Variants in DZIP3 observed in about 807,000 individuals in gnomAD.
The protein encoded by DZIP3 is E3 ubiquitin-protein ligase DZIP3.
A neutral mutation model predicts 162.0 loss-of-function variants in DZIP3; 118 were observed. The observed-to-expected ratio is 0.73, with a 90% CI of 0.63 to 0.85. DZIP3 has a LOEUF of 0.85. DZIP3 is among the 40% of genes least tolerant of loss of function. DZIP3 has a pLI of 0.00. For synonymous variants in DZIP3, 438 were observed against 458.6 expected, an observed-to-expected ratio of 0.96 and a Z score of 0.57; for missense variants, 1,331 against 1,407.0, an observed-to-expected ratio of 0.95 and a Z score of 0.86.
At chr3:108,645,713 G>C (rs1942593813) in intron 14 of DZIP3, among the ~76,000 whole-genome samples, 1 of 152,146 alleles carries the variant, frequency 6.6e-6, no homozygotes, top group Admixed American at 6.6e-5. Context: ...AACTGGTCCA[G>C]ATTTTCTTCA....
rs1202348397 is a variant in DZIP3, at chr3:108,632,933, T to C, written c.697-20T>C. 1.2e-5 allele frequency: 16 copies of C among 1,316,416 alleles called. No homozygotes were observed. The highest frequency in any genetic ancestry group is 1.5e-5 in the Non-Finnish European group (15 of 981,484). The allele number at this position is 1,316,416 out of a possible 1,614,324, so 81.5% of individuals were successfully genotyped here. On this transcript the variant is annotated intron_variant, in intron 8 of 32. Coordinates refer to ENST00000361582, the MANE Select transcript of DZIP3 (RefSeq NM_014648.4). The stretch of plus-strand genomic sequence containing the variant: ...TATTATTAGTAATTCATGAGAATTC[T>C]TTCTGTTTTTAAAATCTAGGATCTT...
At chr3:108,635,794 G>A (rs1200469843) in intron 10 of DZIP3, among the ~76,000 whole-genome samples, 2 of 151,444 alleles carry the variant, frequency 1.3e-5, no homozygotes, top group Non-Finnish European at 3.0e-5. Context: ...GTGAGCTGAT[G>A]ACTGTAAGTT....
intron 19 of DZIP3, 172 bp downstream of exon 19, chr3:108,654,482 A>T (rs1943021192): frequency 1.5e-6 from 1 of 670,756 alleles, no homozygotes; most frequent in African/African-American, 1.8e-5. Flanking sequence ...AGAATAAGGA[A>T]AAAAAAGAAC....
At chr3:108,600,664 T>A (rs1939955689) in intron 1 of DZIP3, among the ~76,000 whole-genome samples, 1 of 152,174 alleles carries the variant, frequency 6.6e-6, no homozygotes, top group Admixed American at 6.5e-5. Flanking sequence ...CCTAAACAGT[T>A]AAATGATGAT....
chr3:108,593,695 T>A (rs112314102), intron 1 of DZIP3, among the ~76,000 whole-genome samples: 6,158 of 140,714 alleles, frequency 0.044, 472 homozygotes, highest in African/African-American at 0.15. Context: ...TTTTTTTTTT[T>A]AATATGGTTT....
At chr3:108,614,608 ATC>A (rs947835396) in intron 4 of DZIP3, among the ~76,000 whole-genome samples, 3 of 152,026 alleles carry the variant, frequency 2.0e-5, no homozygotes, top group Non-Finnish European at 4.4e-5. Flanking sequence ...CCATGTCTAT[ATC>A]TCTATGCCTC....
chr3:108,648,123 T>G lies in DZIP3; in HGVS notation c.1962+11T>G. On this transcript the variant is annotated intron_variant, in intron 16 of 32. Coordinates refer to ENST00000361582, the MANE Select transcript of DZIP3 (RefSeq NM_014648.4). ...AAAGATCTCCAGGAAGTATAAGCTC[T>G]CATTAATATTTGAGTTAGAAGAACT... 1.3e-6 allele frequency: 2 copies of G among 1,583,346 alleles called. No homozygotes were observed. The highest frequency in any genetic ancestry group is 1.7e-6 in the Non-Finnish European group (2 of 1,169,796).
intron 5 of DZIP3, among the ~76,000 whole-genome samples, chr3:108,622,876 C>CTT (rs772538913): frequency 1.1e-5 from 1 of 87,346 alleles, no homozygotes; most frequent in South Asian, 4.2e-4. Context: ...CTCTCTCTCT[C>CTT]TCTCTGTGTG....
intron 1 of DZIP3, among the ~76,000 whole-genome samples, chr3:108,590,270 T>C (rs1939312911): frequency 6.6e-6 from 1 of 152,224 alleles, no homozygotes; most frequent in South Asian, 2.1e-4. Context: ...GCTTAATATT[T>C]CCTAACGTCG....
At chr3:108,645,205 T>C (rs1006192067) in intron 14 of DZIP3, among the ~76,000 whole-genome samples, 2 of 152,178 alleles carry the variant, frequency 1.3e-5, no homozygotes, top group African/African-American at 4.8e-5. Flanking sequence ...TTAAGGAGTC[T>C]GCATTTTTCA....
rs1287622234 is a variant in DZIP3 at position 108,682,020 on chromosome 3, A to T, written c.2884-2196A>T. On this transcript the variant is annotated intron_variant, in intron 26 of 32. Coordinates refer to ENST00000361582, the MANE Select transcript of DZIP3 (RefSeq NM_014648.4). ...TGCAGCAAACCACCATGGCACATGT[A>T]TACCTATGAAACAAACCTGTACATT... Among the ~76,000 whole-genome samples the T allele has an allele frequency of 2.0e-5, 3 of 150,614 alleles. No homozygotes were observed. In the South Asian group the frequency reaches 6.2e-4, roughly 31 times the overall value.
At chr3:108,678,730 T>C (rs1002225498) in intron 26 of DZIP3, among the ~76,000 whole-genome samples, 2 of 152,036 alleles carry the variant, frequency 1.3e-5, no homozygotes, top group Non-Finnish European at 2.9e-5. Flanking sequence ...TCTTAAGAGA[T>C]CTGGCAGTAG....
intron 21 of DZIP3, among the ~76,000 whole-genome samples, chr3:108,668,919 A>G (rs577557055): frequency 2.0e-5 from 3 of 152,172 alleles, no homozygotes; most frequent in South Asian, 4.1e-4. Context: ...TGCTTTTATT[A>G]TAAATCTTTT....
intron 7 of DZIP3, among the ~76,000 whole-genome samples, chr3:108,627,208 T>C (rs2107575348): frequency 6.6e-6 from 1 of 152,370 alleles, no homozygotes; most frequent in African/African-American, 2.4e-5. Flanking sequence ...TATATCCTGC[T>C]GTCCTTCCTC....
In DZIP3 at chr3:108,688,723, G is replaced by T. The variant is rs1165377195; in HGVS notation, c.3401G>T (p.Gly1134Val). 6.2e-7 allele frequency: 1 copy of T among 1,613,908 alleles called. No individual in the cohort carries two copies. The highest frequency in any genetic ancestry group is 8.5e-7 in the Non-Finnish European group (1 of 1,179,978). The change falls in exon 30 of 33, where the codon GGA becomes GTA. Residue 1134 changes from glycine to valine, a missense_variant. Coordinates refer to ENST00000361582, the MANE Select transcript of DZIP3 (RefSeq NM_014648.4). ...LTSQGPATWEGASNPDEEEEE... is the reference protein window; with the variant it reads ...LTSQGPATWEVASNPDEEEEE... ...TCACAGGGTCCTGCCACATGGGAAG[G>T]AGCCAGTAATCCAGTGAGACTGAAA...
intron 1 of DZIP3, among the ~76,000 whole-genome samples, chr3:108,603,577 C>T (rs1047734170): frequency 1.6e-4 from 24 of 152,088 alleles, no homozygotes; most frequent in African/African-American, 5.3e-4. Context: ...AGATGTAATA[C>T]AGCAATGAAG....
intron 27 of DZIP3, 55 bp downstream of exon 27, chr3:108,684,396 G>T: frequency 6.4e-7 from 1 of 1,571,950 alleles, no homozygotes; most frequent in Non-Finnish European, 8.6e-7. Context: ...TACTCTAGTG[G>T]GCTTCCTGAA....
intron 18 of DZIP3, among the ~76,000 whole-genome samples, chr3:108,651,480 C>G (rs1384328310): frequency 6.6e-6 from 1 of 151,518 alleles, no homozygotes; most frequent in African/African-American, 2.4e-5. Context: ...GTAGTCTAGA[C>G]CAAACCTCAA....
intron 10 of DZIP3, among the ~76,000 whole-genome samples, chr3:108,635,667 A>C (rs915399489): frequency 1.4e-5 from 2 of 147,552 alleles, no homozygotes; most frequent in South Asian, 4.2e-4. Context: ...TATAAATATT[A>C]TATAATATAT....
Sources: allele counts gnomAD v4.1 joint callset (sites outside exome capture counted in the v4.1 genomes callset), GRCh38; gene constraint gnomAD v4.1.1; transcripts MANE v1.5; gene names NCBI Gene and HGNC (gene_info 2026-07-23, HGNC 2026-07-21).